Variants in ADCK2 observed in about 807,000 individuals in gnomAD.
ADCK2 encodes the protein uncharacterized aarF domain-containing protein kinase 2.
In ADCK2, 37 loss-of-function variants were observed where a neutral mutation model predicts 52.3. That is an observed-to-expected ratio of 0.71 (90% CI 0.54 to 0.93). The LOEUF is 0.93. Among genes scored for constraint, ADCK2 ranks in the 40% least tolerant of loss-of-function variants. The pLI is 0.00. For synonymous variants in ADCK2, 321 were observed against 349.2 expected (o/e 0.92, Z 0.90); for missense variants, 695 against 798.7 (o/e 0.87, Z 1.56).
In ADCK2 at chr7:140,685,056, A is replaced by C. The variant is rs146264405; in HGVS notation, c.1306-1934A>C. ...TGAGACCCTGGGCAGAGCTGAGGGCAAGGTTCCAGAAGATTCAGAAACTTA... is the reference window on the plus strand; with the variant it reads ...TGAGACCCTGGGCAGAGCTGAGGGCCAGGTTCCAGAAGATTCAGAAACTTA... On this transcript the variant is annotated intron_variant, in intron 4 of 7. Coordinates refer to ENST00000072869, the MANE Select transcript of ADCK2 (RefSeq NM_052853.4). 9.1e-4 allele frequency among the ~76,000 whole-genome samples: 138 copies of C among 152,166 alleles called. 1 individual carries two copies. The highest frequency in any genetic ancestry group is 3.2e-3 in the African/African-American group (133 of 41,514).
rs1391092722 is a variant in ADCK2, at chr7:140,678,358, GGT to G, written c.1081-794_1081-793del. Among the ~76,000 whole-genome samples, 1 of 152,172 alleles carries G rather than the reference GGT, an allele frequency of 6.6e-6. No individual in the cohort carries two copies. The highest frequency in any genetic ancestry group is 6.5e-5 in the Admixed American group (1 of 15,278). ...CTGGGCTCCCACCGGGCCACATCCA[GGT>G]GTCATTGGATATATCACTCTGGAGA... On this transcript the variant is annotated intron_variant, in intron 2 of 7. Coordinates refer to ENST00000072869, the MANE Select transcript of ADCK2 (RefSeq NM_052853.4). This position sits in a 1 kb window ranked among gnomAD's most constrained non-coding sequence, Gnocchi z 4.9.
At position 140,673,481 on chromosome 7, in the gene ADCK2, G is replaced by A. The variant is rs1233208910; in HGVS notation, c.151G>A (p.Val51Ile). 1.2e-6 allele frequency: 2 copies of A among 1,607,686 alleles called. No individual in the cohort carries two copies. The highest frequency in any genetic ancestry group is 1.3e-5 in the African/African-American group (1 of 74,940). ...TCTGCTGGGCACTTTGCCCAAGGTC[G>A]TCTCCCTGTGCGGGGACGTGGGTGA... ...WLLLGTLPKV[V>I]SLCGDVGEGA... The change falls in exon 1 of 8, where the codon GTC becomes ATC. Residue 51 changes from valine (V) to isoleucine (I), a missense_variant. Val to Ile is a conservative substitution (Grantham distance 29). Coordinates refer to ENST00000072869, the MANE Select transcript of ADCK2 (RefSeq NM_052853.4). This position sits in a 1 kb window ranked among gnomAD's most constrained non-coding sequence, Gnocchi z 6.4.
chr7:140,678,452 G>A lies in ADCK2; in HGVS notation c.1081-703G>A, dbSNP rs887592836. 9.9e-5 allele frequency among the ~76,000 whole-genome samples: 15 copies of A among 152,140 alleles called. No homozygotes were observed. The highest frequency in any genetic ancestry group is 3.6e-4 in the African/African-American group (15 of 41,432). On this transcript the variant is annotated intron_variant, in intron 2 of 7. Coordinates refer to ENST00000072869, the MANE Select transcript of ADCK2 (RefSeq NM_052853.4). The surrounding 1 kb of genome is among the most constrained non-coding windows in gnomAD (Gnocchi z 4.9). ...GGAGGCGCCGGCTGAGGGCTTGGTG[G>A]CTGTCAAGGGGACACACACGCTCAC...
chr7:140,674,039 T>C lies in ADCK2; in HGVS notation c.709T>C (p.Cys237Arg), dbSNP rs754048538. The C allele has an allele frequency of 1.2e-6, 2 of 1,614,126 alleles. No individual in the cohort carries two copies. The highest frequency in any genetic ancestry group is 1.7e-6 in the Non-Finnish European group (2 of 1,180,032). The stretch of plus-strand genomic sequence containing the variant: ...CGTCCAGAGACTTGGCAGGGCCTCC[T>C]GTCTGCCGCCCTTCTCACATACTGG... ...DSVQRLGRASCLPPFSHTGAV... is the reference protein window; with the variant it reads ...DSVQRLGRASRLPPFSHTGAV... Residue 237 changes from cysteine to arginine, a missense_variant, in exon 1 of 8, where the codon TGT becomes CGT. Transcript: ENST00000072869. This position sits in a 1 kb window ranked among gnomAD's most constrained non-coding sequence, Gnocchi z 4.6.
chr7:140,679,329 G>T (rs150738481), intron 3 of ADCK2, 46 bp downstream of exon 3: 2 of 1,607,428 alleles, frequency 1.2e-6, no homozygotes, highest in Non-Finnish European at 1.7e-6. Context: ...CTTGCCACTC[G>T]CAGTGGGCCC....
At chr7:140,690,686 G>GA in intron 6 of ADCK2, 74 bp from the exon 7 acceptor site, 1 of 1,411,556 alleles carries the variant, frequency 7.1e-7, no homozygotes, top group Non-Finnish European at 9.9e-7. Flanking sequence ...GGGGCTGAGA[G>GA]TGTGGGGGTG....
chr7:140,685,832 T>G (rs1281938563), intron 4 of ADCK2, among the ~76,000 whole-genome samples: 5 of 152,102 alleles, frequency 3.3e-5, no homozygotes, highest in Non-Finnish European at 7.4e-5. Context: ...TGCTGGGGTT[T>G]CCCTGACCTC....
chr7:140,693,988 A>C lies in ADCK2; in HGVS notation c.1741-675A>C, dbSNP rs1794752283. Among the ~76,000 whole-genome samples the C allele has an allele frequency of 6.6e-6, 1 of 152,022 alleles. No individual in the cohort carries two copies. Among genetic ancestry groups the C allele is most frequent in the Admixed American group, 6.6e-5 (1 of 15,262 alleles). On this transcript the variant is annotated intron_variant, in intron 7 of 7. Transcript: ENST00000072869. This position sits in a 1 kb window ranked among gnomAD's most constrained non-coding sequence, Gnocchi z 4.0. ...TCTCCCAAAGGGCTGGGATTACAGG[A>C]GTGAGCCACCACGCCCGGCCTGTGT...
At position 140,689,630 on chromosome 7, in the gene ADCK2, G is replaced by T; in HGVS notation, c.1591G>T (p.Ala531Ser). ...QRVAELILHH[A>S]RASECRDVEG... ...AGTGGCTGAGCTGATCCTGCATCATGCCCGGGCCAGCGAGTGCAGGGACGT... is the reference window on the plus strand; with the variant it reads ...AGTGGCTGAGCTGATCCTGCATCATTCCCGGGCCAGCGAGTGCAGGGACGT... The change falls in exon 6 of 8, where the codon GCC becomes TCC. Residue 531 changes from alanine to serine, a missense_variant. Physicochemically the swap from Ala to Ser is moderately conservative, Grantham distance 99. Coordinates refer to ENST00000072869, the MANE Select transcript of ADCK2 (RefSeq NM_052853.4). 6.2e-7 allele frequency: 1 copy of T among 1,612,084 alleles called. No individual in the cohort carries two copies. Among genetic ancestry groups the T allele is most frequent in the Non-Finnish European group, 8.5e-7 (1 of 1,178,890 alleles).
intron 3 of ADCK2, 116 bp downstream of exon 3, chr7:140,679,399 CTG>C: frequency 6.9e-7 from 1 of 1,446,142 alleles, no homozygotes; most frequent in African/African-American, 1.4e-5. Flanking sequence ...GTCTGTAAAA[CTG>C]TGAGGAGCTG....
Position 140,689,697 on chromosome 7 carries a change from CCAGGAAGAACACCATCA to C in ADCK2, c.1660_1676del (p.Arg554ProfsTer12). 1 of 1,613,212 alleles carries C rather than the reference CCAGGAAGAACACCATCA, an allele frequency of 6.2e-7. No individual in the cohort carries two copies. Among genetic ancestry groups the C allele is most frequent in the Non-Finnish European group, 8.5e-7 (1 of 1,179,540 alleles). On this transcript the variant is annotated frameshift_variant, in exon 6 of 8. Transcript: ENST00000072869. LOFTEE classifies it high-confidence loss of function. Reference sequence around the variant, plus strand: ...GAGATGGCCATGCTGGTGACCCAGGCCAGGAAGAACACCATCACCCTGGAGAAGGTGGGCAGGTCACT... The same window carrying C: ...GAGATGGCCATGCTGGTGACCCAGGCCCCTGGAGAAGGTGGGCAGGTCACT...
intron 2 of ADCK2, among the ~76,000 whole-genome samples, chr7:140,675,635 G>A (rs1794390026): frequency 1.3e-5 from 2 of 152,216 alleles, no homozygotes; most frequent in African/African-American, 2.4e-5. Context: ...GATCAGAGCT[G>A]TAACTGCCTG....
At chr7:140,684,358 C>G (rs764622084) in intron 4 of ADCK2, among the ~76,000 whole-genome samples, 1 of 152,134 alleles carries the variant, frequency 6.6e-6, no homozygotes, top group Non-Finnish European at 1.5e-5. Flanking sequence ...TCCTAAGCCA[C>G]GCTAGTTATG....
In ADCK2 at chr7:140,681,329, T is replaced by A. The variant is rs373965601; in HGVS notation, c.1305+192T>A. Among the ~76,000 whole-genome samples, 243 of 152,012 alleles carry A rather than the reference T, an allele frequency of 1.6e-3. 1 individual carries two copies. The highest frequency in any genetic ancestry group is 5.5e-3 in the African/African-American group (227 of 41,514). Reference sequence around the variant, plus strand: ...TGTCTGTGAAGCTCTTTTATTTTTTTTTTTTTGAGATGGAGTCTTGCTCTG... The same window carrying A: ...TGTCTGTGAAGCTCTTTTATTTTTTATTTTTTGAGATGGAGTCTTGCTCTG... On this transcript the variant is annotated intron_variant, in intron 4 of 7. Coordinates refer to ENST00000072869, the MANE Select transcript of ADCK2 (RefSeq NM_052853.4).
chr7:140,673,606 C>T lies in ADCK2; in HGVS notation c.276C>T (p.Gly92=), dbSNP rs560294528. 1.2e-5 allele frequency: 20 copies of T among 1,607,970 alleles called. No individual in the cohort carries two copies. Among genetic ancestry groups the T allele is most frequent in the East Asian group, 4.5e-5 (2 of 44,834 alleles). The change falls in exon 1 of 8, where the codon GGC becomes GGT. Residue 92 remains glycine (G), a synonymous_variant. Transcript: ENST00000072869. This position sits in a 1 kb window ranked among gnomAD's most constrained non-coding sequence, Gnocchi z 6.4. ...TCCCCCGAGCGGGACCTCTGGGCGG[C>T]GTCTTCCTGCATCTCCGCCTCTGGC... ...ESLPRAGPLG[G]VFLHLRLWLR...
At position 140,694,786 on chromosome 7, in the gene ADCK2, C is replaced by T; in HGVS notation, c.1864C>T (p.Pro622Ser). 1.2e-6 allele frequency: 2 copies of T among 1,613,350 alleles called. No homozygotes were observed. The highest frequency in any genetic ancestry group is 2.2e-5 in the East Asian group (1 of 44,854). ...EAARPFLLTG[P>S]VCPP ...AGCGAGGCCCTTCCTCCTCACGGGC[C>T]CAGTGTGCCCCCCGTGATGGGGCAG... The change falls in exon 8 of 8, where the codon CCA (proline) becomes TCA (serine). Residue 622 changes from proline (P) to serine (S), a missense_variant. By Grantham distance (74) the Pro-to-Ser change is moderately conservative. Coordinates refer to ENST00000072869, the MANE Select transcript of ADCK2 (RefSeq NM_052853.4).
In ADCK2 at chr7:140,693,803, G is replaced by A. The variant is rs1410491438; in HGVS notation, c.1741-860G>A. ...TGGCTCACTGCAAGCTCTGCCTCCCGAGTTCAGGCCATTCTCCTGCCTCAG... is the reference window on the plus strand; with the variant it reads ...TGGCTCACTGCAAGCTCTGCCTCCCAAGTTCAGGCCATTCTCCTGCCTCAG... On this transcript the variant is annotated intron_variant, in intron 7 of 7. Coordinates refer to ENST00000072869, the MANE Select transcript of ADCK2 (RefSeq NM_052853.4). The surrounding 1 kb of genome is among the most constrained non-coding windows in gnomAD (Gnocchi z 4.0). Among the ~76,000 whole-genome samples, 3 of 152,076 alleles carry A rather than the reference G, an allele frequency of 2.0e-5. No homozygotes were observed. The highest frequency in any genetic ancestry group is 4.4e-5 in the Non-Finnish European group (3 of 68,018).
intron 3 of ADCK2, 106 bp downstream of exon 3, chr7:140,679,389 G>A (rs933237790): frequency 1.3e-5 from 20 of 1,506,190 alleles, no homozygotes; most frequent in Admixed American, 7.5e-5. Flanking sequence ...TGGGATTTGT[G>A]TCTGTAAAAC....
At chr7:140,691,731 A>G (rs1231263469) in intron 7 of ADCK2, among the ~76,000 whole-genome samples, 1 of 152,234 alleles carries the variant, frequency 6.6e-6, no homozygotes, top group Non-Finnish European at 1.5e-5. Flanking sequence ...GGCCTTTTCC[A>G]TTGCATTACT....
Sources: allele counts gnomAD v4.1 joint callset (sites outside exome capture counted in the v4.1 genomes callset), GRCh38; gene constraint gnomAD v4.1.1; non-coding constraint Gnocchi (gnomAD v3.1); transcripts MANE v1.5; gene names NCBI Gene and HGNC (gene_info 2026-07-23, HGNC 2026-07-21).